Variants in ZDHHC15 observed in about 807,000 individuals in gnomAD.
ZDHHC15 encodes the protein zDHHC palmitoyltransferase 15.
In ZDHHC15, 19 loss-of-function variants were observed where a neutral mutation model predicts 31.7. The observed-to-expected ratio is 0.60, with a 90% CI of 0.42 to 0.88. ZDHHC15 has a LOEUF of 0.88. Among genes scored for constraint, ZDHHC15 ranks in the 40% least tolerant of loss-of-function variants. ZDHHC15 has a pLI of 0.00. For synonymous variants in ZDHHC15, 103 were observed against 90.0 expected (o/e 1.14, Z -0.82); for missense variants, 209 against 251.2 (o/e 0.83, Z 1.14).
chrX:75,466,995 T>G (rs192801480), intron 3 of ZDHHC15, among the ~76,000 whole-genome samples: 6 of 111,359 alleles, frequency 5.4e-5, no homozygotes, highest in Non-Finnish European at 9.4e-5. Context: ...TGGCAAACAT[T>G]TACCTGTATA....
At position 75,515,351 on chromosome X, in the gene ZDHHC15, C is replaced by T. The variant is rs773928951; in HGVS notation, c.136+7538G>A. 2.5e-4 allele frequency among the ~76,000 whole-genome samples: 28 copies of T among 110,929 alleles called. 1 individual carries two copies. In the South Asian group the frequency reaches 7.8e-3, roughly 31 times the overall value. On this transcript the variant is annotated intron_variant, in intron 1 of 11. Coordinates refer to ENST00000373367, the MANE Select transcript of ZDHHC15 (RefSeq NM_144969.3). The stretch of plus-strand genomic sequence containing the variant: ...AATCCTCAATAAAATACTGGCAAAC[C>T]GAATCCAGAAGCACATCAAAAAGCT...
At chrX:75,487,796 A>T (rs757543499) in intron 2 of ZDHHC15, among the ~76,000 whole-genome samples, 3 of 111,940 alleles carry the variant, frequency 2.7e-5, no homozygotes, top group Non-Finnish European at 5.6e-5. Context: ...CAAAATATAG[A>T]TGAAAAAGTC....
intron 2 of ZDHHC15, chrX:75,501,800 G>T (rs1422123685): frequency 9.0e-6 from 1 of 111,155 alleles, no homozygotes; most frequent in Non-Finnish European, 1.9e-5. Context: ...ATTATTTGAT[G>T]TTCTCTTATA....
chrX:75,466,065 CAG>C (rs1235014915), intron 3 of ZDHHC15, among the ~76,000 whole-genome samples: 1 of 111,285 alleles, frequency 9.0e-6, no homozygotes, highest in Non-Finnish European at 1.9e-5. Context: ...GTCTAATATC[CAG>C]AGTCTATTAC....
intron 10 of ZDHHC15, among the ~76,000 whole-genome samples, chrX:75,399,277 C>T (rs939346222): frequency 8.9e-6 from 1 of 111,735 alleles, no homozygotes; most frequent in Non-Finnish European, 1.9e-5. Context: ...CCAGGGGCAA[C>T]TGAAAGCAAA....
chrX:75,513,337 G>A (rs1012495140), intron 1 of ZDHHC15, among the ~76,000 whole-genome samples: 2 of 111,652 alleles, frequency 1.8e-5, no homozygotes, highest in Non-Finnish European at 3.8e-5. Context: ...CCAAAACTAA[G>A]AGTACTCCAG....
At chrX:75,417,252 A>G (rs762823198) in intron 9 of ZDHHC15, 62 bp from the exon 10 acceptor site, 1 of 828,919 alleles carries the variant, frequency 1.2e-6, no homozygotes, top group South Asian at 2.5e-5. Flanking sequence ...GAAGGTTATA[A>G]TCCTCTTAAA....
Position 75,371,154 on chromosome X carries a change from T to C in ZDHHC15, c.*1824A>G, listed in dbSNP as rs1326730899. The C allele has an allele frequency of 1.8e-5, 2 of 111,844 alleles. No homozygotes were observed. Among genetic ancestry groups the C allele is most frequent in the African/African-American group, 3.3e-5 (1 of 30,733 alleles). The allele number at this position is 111,844 out of a possible 1,213,427, so 9.2% of individuals were successfully genotyped here. On this transcript the variant is annotated 3_prime_UTR_variant, in exon 12 of 12. Coordinates refer to ENST00000373367, the MANE Select transcript of ZDHHC15 (RefSeq NM_144969.3). Reference sequence around the variant, plus strand: ...GGCCATACATGTAGAAAAAGGTGCATATCTATATGAATAGAAGACAAGGCT... The same window carrying C: ...GGCCATACATGTAGAAAAAGGTGCACATCTATATGAATAGAAGACAAGGCT...
chrX:75,450,554 G>T, intron 4 of ZDHHC15: 1 of 194,032 alleles, frequency 5.2e-6, no homozygotes, highest in African/African-American at 3.0e-5. Context: ...GGATAGATAT[G>T]TGATATAGCA....
chrX:75,518,407 A>G (rs1811169641), intron 1 of ZDHHC15, among the ~76,000 whole-genome samples: 1 of 110,889 alleles, frequency 9.0e-6, no homozygotes, highest in South Asian at 3.8e-4. Context: ...TTATGGAAAT[A>G]CAAATCAAAT....
In ZDHHC15 at chrX:75,492,706, A is replaced by G. The variant is rs774077604; in HGVS notation, c.163+13115T>C. ...ACTGGGTACATAACAAAATGAAGGC[A>G]GAAATAAAGATGTTCTTTGAAACCA... On this transcript the variant is annotated intron_variant, in intron 2 of 11. Transcript: ENST00000373367. Among the ~76,000 whole-genome samples, 19 of 112,003 alleles carry G rather than the reference A, an allele frequency of 1.7e-4. No individual in the cohort carries two copies. The East Asian group carries it at 5.0e-3, about 30-fold the overall frequency.
At chrX:75,393,440 T>C (rs2093675) in intron 10 of ZDHHC15, among the ~76,000 whole-genome samples, 19,982 of 110,676 alleles carry the variant, frequency 0.18, 1,969 homozygotes, top group East Asian at 0.85. Flanking sequence ...ACCAGCTTCA[T>C]TATGTTCCTT....
intron 3 of ZDHHC15, among the ~76,000 whole-genome samples, chrX:75,461,875 G>C (rs2084321558): frequency 8.9e-6 from 1 of 111,747 alleles, no homozygotes; most frequent in African/African-American, 3.3e-5. Context: ...ACATAAACAA[G>C]TCTGCAAAAT....
intron 4 of ZDHHC15, among the ~76,000 whole-genome samples, chrX:75,447,347 T>C (rs768548276): frequency 1.8e-5 from 2 of 112,556 alleles, no homozygotes; most frequent in African/African-American, 6.5e-5. Flanking sequence ...GTGCCATCGA[T>C]GGACTTACAA....
intron 10 of ZDHHC15, among the ~76,000 whole-genome samples, chrX:75,382,066 T>C (rs1419402422): frequency 8.9e-6 from 1 of 112,090 alleles, no homozygotes; most frequent in East Asian, 2.8e-4. Context: ...AATGCAGAGC[T>C]AAGCCTATAT....
chrX:75,429,047 TA>T (rs1348641171), intron 7 of ZDHHC15, 30 bp downstream of exon 7: 1 of 1,204,021 alleles, frequency 8.3e-7, no homozygotes, highest in African/African-American at 1.7e-5. Flanking sequence ...GCATTTGTTC[TA>T]GGGGACCCTT....
At chrX:75,427,924 C>G (rs1488101435) in intron 7 of ZDHHC15, among the ~76,000 whole-genome samples, 1 of 111,247 alleles carries the variant, frequency 9.0e-6, no homozygotes, top group Non-Finnish European at 1.9e-5. Flanking sequence ...TCTACACTAT[C>G]TTTTCTATAT....
chrX:75,379,989 T>C, intron 10 of ZDHHC15, among the ~76,000 whole-genome samples: 1 of 111,569 alleles, frequency 9.0e-6, no homozygotes, highest in Admixed American at 9.5e-5. Flanking sequence ...GCAGGTTGCT[T>C]TCTTCCAGGA....
chrX:75,470,167 C>G (rs1400171240), intron 3 of ZDHHC15, among the ~76,000 whole-genome samples: 1 of 111,275 alleles, frequency 9.0e-6, no homozygotes, highest in Non-Finnish European at 1.9e-5. Flanking sequence ...TAAGCACCAT[C>G]TAATCAGCTA....
Sources: gnomAD v4.1 joint callset for allele counts (sites outside exome capture counted in the v4.1 genomes callset) on GRCh38, gnomAD v4.1.1 for gene constraint, MANE v1.5 for transcripts, NCBI Gene and HGNC (gene_info 2026-07-23, HGNC 2026-07-21) for gene names.